The following GPR157 variants were observed in gnomAD, a reference collection of about 807,000 sequenced individuals.
GPR157 encodes G protein-coupled receptor 157.
In GPR157, 16 loss-of-function variants were observed where a neutral mutation model predicts 23.5. That is an observed-to-expected ratio of 0.68 (90% CI 0.46 to 1.04). The LOEUF (loss-of-function observed/expected upper bound fraction) is 1.04. GPR157 is among the 50% of genes least tolerant of loss of function. GPR157 has a pLI of 0.00. For missense variants in GPR157, 440 were observed against 460.7 expected (o/e 0.96, Z 0.41); for synonymous variants, 200 against 221.5 (o/e 0.90, Z 0.86).
At chr1:9,119,973 T>C (rs1638764849) in intron 1 of GPR157, among the ~76,000 whole-genome samples, 1 of 152,180 alleles carries the variant, frequency 6.6e-6, no homozygotes, top group South Asian at 2.1e-4. Context: ...TCGGTTTCCC[T>C]GCCCTTCAGA....
chr1:9,112,453 G>A (rs184570269), intron 1 of GPR157, among the ~76,000 whole-genome samples: 3 of 152,188 alleles, frequency 2.0e-5, no homozygotes, highest in African/African-American at 7.2e-5. Context: ...GCAGTGTTGG[G>A]CTCAGTTTTC....
At chr1:9,108,765 G>C (rs1450690102) in intron 2 of GPR157, among the ~76,000 whole-genome samples, 5 of 151,686 alleles carry the variant, frequency 3.3e-5, no homozygotes, top group Middle Eastern at 3.4e-3. Flanking sequence ...AAGTAGCTGG[G>C]ACTATAGACA....
rs373525822 is a variant in GPR157 at position 9,104,634 on chromosome 1, C to T, written c.793G>A (p.Gly265Ser). 4 of 1,589,090 alleles carry T rather than the reference C, an allele frequency of 2.5e-6. No homozygotes were observed. Among genetic ancestry groups the T allele is most frequent in the Non-Finnish European group, 3.4e-6 (4 of 1,164,946 alleles). The change falls in exon 4 of 4, where the codon GGT becomes AGT. Residue 265 changes from glycine to serine, a missense_variant and splice_region_variant. Physicochemically the swap from Gly to Ser is moderately conservative, Grantham distance 56. Coordinates refer to ENST00000377411, the MANE Select transcript of GPR157 (RefSeq NM_024980.5). ...VQTPVLVVLH[G>S]IGNTFQGGAN... ...CCTCCCTGAAACGTGTTCCCGATACCCTGTCGGGAGAAAAGGAGCTGTGAG... is the reference window on the plus strand; with the variant it reads ...CCTCCCTGAAACGTGTTCCCGATACTCTGTCGGGAGAAAAGGAGCTGTGAG...
rs955386517 is a variant in GPR157 at position 9,128,113 on chromosome 1, G to C, written c.383+532C>G. On this transcript the variant is annotated intron_variant, in intron 1 of 3. Coordinates refer to ENST00000377411, the MANE Select transcript of GPR157 (RefSeq NM_024980.5). The surrounding 1 kb of genome is among the most constrained non-coding windows in gnomAD (Gnocchi z 6.3). ...GGGGCTGGGGCCTGAGGCTAGAAACGACCAAAGACAGAATAAAAAGCACAG... is the reference window on the plus strand; with the variant it reads ...GGGGCTGGGGCCTGAGGCTAGAAACCACCAAAGACAGAATAAAAAGCACAG... Among the ~76,000 whole-genome samples, 2 of 152,152 alleles carry C rather than the reference G, an allele frequency of 1.3e-5. No individual in the cohort carries two copies. The highest frequency in any genetic ancestry group is 4.8e-5 in the African/African-American group (2 of 41,440).
intron 1 of GPR157, among the ~76,000 whole-genome samples, chr1:9,115,891 A>G (rs1266203823): frequency 6.7e-6 from 1 of 149,722 alleles, no homozygotes; most frequent in African/African-American, 2.5e-5. Flanking sequence ...AGTCATTTAC[A>G]GATTGTCTAC....
chr1:9,108,404 G>A (rs1484335399), intron 2 of GPR157, among the ~76,000 whole-genome samples: 3 of 152,216 alleles, frequency 2.0e-5, no homozygotes, highest in Non-Finnish European at 4.4e-5. Flanking sequence ...ATTGTCACCC[G>A]TAAGGGTCAG....
chr1:9,128,953 G>A lies in GPR157; in HGVS notation c.75C>T (p.Ser25=). The A allele has an allele frequency of 1.3e-6, 2 of 1,500,676 alleles. No individual in the cohort carries two copies. Among genetic ancestry groups the A allele is most frequent in the Middle Eastern group, 2.3e-4 (1 of 4,352 alleles). The allele number at this position is 1,500,676 out of a possible 1,614,324, so 93.0% of individuals were successfully genotyped here. The change falls in exon 1 of 4, where the codon TCC becomes TCT. Residue 25 remains serine, a synonymous_variant. Coordinates refer to ENST00000377411, the MANE Select transcript of GPR157 (RefSeq NM_024980.5). The surrounding 1 kb of genome is among the most constrained non-coding windows in gnomAD (Gnocchi z 6.3). ...CCACCAGCAGGCCCGAGCCGAGCGCGGAGAGTGCGCACGACAGCAGCACCA... is the reference window on the plus strand; with the variant it reads ...CCACCAGCAGGCCCGAGCCGAGCGCAGAGAGTGCGCACGACAGCAGCACCA... The part of the protein sequence containing the change: ...RAVVLLSCAL[S]ALGSGLLVAT...
At chr1:9,117,003 A>G (rs1638696205) in intron 1 of GPR157, among the ~76,000 whole-genome samples, 1 of 152,102 alleles carries the variant, frequency 6.6e-6, no homozygotes, top group Non-Finnish European at 1.5e-5. Flanking sequence ...GGCCTCTCAA[A>G]GTGCTGGGAT....
chr1:9,122,200 G>C (rs999774666), intron 1 of GPR157, among the ~76,000 whole-genome samples: 5 of 152,296 alleles, frequency 3.3e-5, no homozygotes, highest in Admixed American at 2.6e-4. Flanking sequence ...AGGTGGGCGT[G>C]GTAAACACAC....
In GPR157 at chr1:9,105,034, A is replaced by AACAC. The variant is rs199973020; in HGVS notation, c.793-404_793-401dup. On this transcript the variant is annotated intron_variant, in intron 3 of 3. Transcript: ENST00000377411. This position sits in a 1 kb window ranked among gnomAD's most constrained non-coding sequence, Gnocchi z 4.8. ...CCCCAAAAAAGAGAAATGGCTGAGAAACACACACACACACACACACACACA... is the reference window on the plus strand; with the variant it reads ...CCCCAAAAAAGAGAAATGGCTGAGAAACACACACACACACACACACACACACACA... Among the ~76,000 whole-genome samples, 3,545 of 116,924 alleles carry AACAC rather than the reference A, an allele frequency of 0.03. 142 individuals are homozygous for AACAC. Among genetic ancestry groups the AACAC allele is most frequent in the African/African-American group, 0.089 (2,659 of 29,804 alleles). 76.7% of individuals were successfully genotyped at this position (116,924 alleles called of 152,430 possible). A position where few individuals can be genotyped will look rare whatever the true frequency, so the allele number is the denominator to read the frequency against.
At position 9,123,481 on chromosome 1, in the gene GPR157, TTA is replaced by T. The variant is rs1309105147; in HGVS notation, c.383+5162_383+5163del. Among the ~76,000 whole-genome samples the T allele has an allele frequency of 3.5e-5, 4 of 113,420 alleles. No homozygotes were observed. The East Asian group carries it at 8.0e-4, about 23-fold the overall frequency. The allele number at this position is 113,420 out of a possible 152,430, so 74.4% of individuals were successfully genotyped here. A position where few individuals can be genotyped will look rare whatever the true frequency, so the allele number is the denominator to read the frequency against. On this transcript the variant is annotated intron_variant, in intron 1 of 3. Coordinates refer to ENST00000377411, the MANE Select transcript of GPR157 (RefSeq NM_024980.5). ...TATATATTTAATTTAAATATATATT[TTA>T]AAAATATATAAATTATATATTCAAA...
chr1:9,111,416 A>G lies in GPR157; in HGVS notation c.457T>C (p.Ser153Pro). ...KKIGYDASDV[S>P]VGWCWIDLEA... ...AGGTCGATCCAGCACCAGCCCACAG[A>G]CACGTCCGAGGCGTCATAGCCAATC... The change falls in exon 2 of 4, where the codon TCT (serine) becomes CCT (proline). Residue 153 changes from serine (S) to proline (P), a missense_variant. Physicochemically the swap from Ser to Pro is moderately conservative, Grantham distance 74. Coordinates refer to ENST00000377411, the MANE Select transcript of GPR157 (RefSeq NM_024980.5). 6.2e-7 allele frequency: 1 copy of G among 1,614,142 alleles called. No individual in the cohort carries two copies. Among genetic ancestry groups the G allele is most frequent in the East Asian group, 2.2e-5 (1 of 44,882 alleles).
chr1:9,119,312 C>T (rs748787836), intron 1 of GPR157, among the ~76,000 whole-genome samples: 10 of 152,228 alleles, frequency 6.6e-5, no homozygotes, highest in Middle Eastern at 3.4e-3. Flanking sequence ...GGATTACAGA[C>T]GTGAACCACA....
rs1298618824 is a variant in GPR157 at position 9,128,898 on chromosome 1, T to A, written c.130A>T (p.Ser44Cys). The A allele has an allele frequency of 1.3e-6, 2 of 1,551,866 alleles. No individual in the cohort carries two copies. Among genetic ancestry groups the A allele is most frequent in the South Asian group, 2.4e-5 (2 of 84,814 alleles). The change falls in exon 1 of 4, where the codon AGC becomes TGC. Residue 44 changes from serine to cysteine, a missense_variant. Ser to Cys is a moderately radical substitution (Grantham distance 112). Coordinates refer to ENST00000377411, the MANE Select transcript of GPR157 (RefSeq NM_024980.5). The surrounding 1 kb of genome is among the most constrained non-coding windows in gnomAD (Gnocchi z 6.3). ...AAGAGCAGCAGGCGCCGTGCCCGGC[T>A]GCGCAGGTCGGGCCACAGGGCGTGC... The part of the protein sequence containing the change: ...ATHALWPDLR[S>C]RARRLLLFLS...
chr1:9,121,725 C>T lies in GPR157; in HGVS notation c.383+6920G>A, dbSNP rs531084566. Among the ~76,000 whole-genome samples the T allele has an allele frequency of 5.1e-4, 77 of 152,320 alleles. 1 individual carries two copies. Among genetic ancestry groups the T allele is most frequent in the African/African-American group, 1.8e-3 (76 of 41,572 alleles). ...GTTTCCCCTTTTTGCTACGTTGGGA[C>T]TTCCCACTGCCCCCAGAGCAGGGTT... is the stretch of plus-strand genomic sequence containing the variant. On this transcript the variant is annotated intron_variant, in intron 1 of 3. Transcript: ENST00000377411.
Position 9,128,175 on chromosome 1 carries a change from G to A in GPR157, c.383+470C>T, listed in dbSNP as rs991496762. On this transcript the variant is annotated intron_variant, in intron 1 of 3. Coordinates refer to ENST00000377411, the MANE Select transcript of GPR157 (RefSeq NM_024980.5). The surrounding 1 kb of genome is among the most constrained non-coding windows in gnomAD (Gnocchi z 6.3). The stretch of plus-strand genomic sequence containing the variant: ...CTGTACAGCAGAGACACGGCAGCTC[G>A]GGAGTGGCGGAGTGCACCAAGCTCA... The A allele has an allele frequency of 9.3e-6, 4 of 432,432 alleles. No homozygotes were observed. The highest frequency in any genetic ancestry group is 7.7e-5 in the Admixed American group (3 of 38,756). The allele number at this position is 432,432 out of a possible 1,614,324, so 26.8% of individuals were successfully genotyped here. A position where few individuals can be genotyped will look rare whatever the true frequency, so the allele number is the denominator to read the frequency against.
chr1:9,123,163 G>GGT (rs374439585), intron 1 of GPR157, among the ~76,000 whole-genome samples: 237 of 87,448 alleles, frequency 2.7e-3, no homozygotes, highest in African/African-American at 9.5e-3. Flanking sequence ...TCTTGGGTGG[G>GGT]AAAAAAAAAA....
chr1:9,125,108 G>A lies in GPR157; in HGVS notation c.383+3537C>T, dbSNP rs1327557956. 3.9e-5 allele frequency among the ~76,000 whole-genome samples: 6 copies of A among 152,278 alleles called. No individual in the cohort carries two copies. In the East Asian group the frequency reaches 7.7e-4, roughly 20 times the overall value. On this transcript the variant is annotated intron_variant, in intron 1 of 3. Coordinates refer to ENST00000377411, the MANE Select transcript of GPR157 (RefSeq NM_024980.5). Reference sequence around the variant, plus strand: ...AAAGAGAGAGCCCCATTGCATTGCCGGCTGCTGGCCAGATCCCACAATACC... The same window carrying A: ...AAAGAGAGAGCCCCATTGCATTGCCAGCTGCTGGCCAGATCCCACAATACC...
intron 2 of GPR157, among the ~76,000 whole-genome samples, chr1:9,110,230 A>T (rs529426247): frequency 5.9e-5 from 9 of 152,256 alleles, no homozygotes; most frequent in Non-Finnish European, 1.3e-4. Context: ...CGGTAAAAAC[A>T]TACTGAATGA....
Sources: allele counts gnomAD v4.1 joint callset (sites outside exome capture counted in the v4.1 genomes callset), GRCh38; gene constraint gnomAD v4.1.1; non-coding constraint Gnocchi (gnomAD v3.1); transcripts MANE v1.5; gene names NCBI Gene and HGNC (gene_info 2026-07-23, HGNC 2026-07-21).